Variants in DHX32 observed in about 807,000 individuals in gnomAD.
The protein encoded by DHX32 is DEAH-box helicase 32 (putative).
In DHX32, 51 loss-of-function variants were observed where a neutral mutation model predicts 70.0. That is an observed-to-expected ratio of 0.73 (90% CI 0.58 to 0.92). The LOEUF is 0.92. Among genes scored for constraint, DHX32 ranks in the 40% least tolerant of loss-of-function variants. The pLI, the probability that DHX32 is intolerant of heterozygous loss-of-function variation, is 0.00. For synonymous variants in DHX32, 310 were observed against 315.3 expected, an observed-to-expected ratio of 0.98 and a Z score of 0.18; for missense variants, 762 against 891.8, an observed-to-expected ratio of 0.85 and a Z score of 1.85.
intron 3 of DHX32, among the ~76,000 whole-genome samples, chr10:125,855,190 C>T (rs1331635438): frequency 1.3e-5 from 2 of 150,638 alleles, no homozygotes; most frequent in Non-Finnish European, 3.0e-5. Context: ...CCACTGCACT[C>T]CAGCCTGGCA....
chr10:125,841,565 TAAG>T, intron 7 of DHX32, 175 bp downstream of exon 7: 2 of 1,430,108 alleles, frequency 1.4e-6, no homozygotes, highest in Admixed American at 3.0e-5. Context: ...TTTTTCATAT[TAAG>T]AAAATTTTCC....
chr10:125,868,176 T>G (rs1265666754), intron 1 of DHX32, among the ~76,000 whole-genome samples: 1 of 152,364 alleles, frequency 6.6e-6, no homozygotes, highest in African/African-American at 2.4e-5. Context: ...TCCTTTTTTT[T>G]CTAAAATATA....
chr10:125,858,768 G>A (rs1944163851), intron 3 of DHX32, among the ~76,000 whole-genome samples: 3 of 152,046 alleles, frequency 2.0e-5, no homozygotes, highest in Admixed American at 2.0e-4. Context: ...TGTGGGAGAA[G>A]ACAGGGAAAA....
Position 125,866,927 on chromosome 10 carries a change from CAG to C in DHX32, c.476+61_476+62del. Reference sequence around the variant, plus strand: ...GTAGAATGCCAGAATAATGCTCCTTCAGAATTGTAGAACCTAAGCCAAGAATC... The same window carrying C: ...GTAGAATGCCAGAATAATGCTCCTTCAATTGTAGAACCTAAGCCAAGAATC... On this transcript the variant is annotated intron_variant, in intron 2 of 10. Coordinates refer to ENST00000284690, the MANE Select transcript of DHX32 (RefSeq NM_018180.3). The surrounding 1 kb of genome is among the most constrained non-coding windows in gnomAD (Gnocchi z 4.8). 1 of 1,526,842 alleles carries C rather than the reference CAG, an allele frequency of 6.5e-7. No individual in the cohort carries two copies. The highest frequency in any genetic ancestry group is 8.9e-7 in the Non-Finnish European group (1 of 1,120,024). The allele number at this position is 1,526,842 out of a possible 1,614,324, so 94.6% of individuals were successfully genotyped here. A position where few individuals can be genotyped will look rare whatever the true frequency, so the allele number is the denominator to read the frequency against.
At position 125,880,968 on chromosome 10, in the gene DHX32, G is replaced by C; in HGVS notation, c.-144C>G. 1.0e-6 allele frequency: 1 copy of C among 1,004,342 alleles called. No homozygotes were observed. The highest frequency in any genetic ancestry group is 1.4e-6 in the Non-Finnish European group (1 of 695,604). 62.2% of individuals were successfully genotyped at this position (1,004,342 alleles called of 1,614,324 possible). A position where few individuals can be genotyped will look rare whatever the true frequency, so the allele number is the denominator to read the frequency against. On this transcript the variant is annotated 5_prime_UTR_variant, in exon 1 of 11. Transcript: ENST00000284690. The stretch of plus-strand genomic sequence containing the variant: ...AGACTTCAGTTCAAGGTTTTAGCAA[G>C]TTAAATTCCTCAAACCTGCATCTGT...
intron 1 of DHX32, among the ~76,000 whole-genome samples, chr10:125,889,646 T>A (rs1944358424): frequency 1.3e-5 from 2 of 152,288 alleles, no homozygotes; most frequent in African/African-American, 4.8e-5. Flanking sequence ...CGGATCTCAC[T>A]GCAAACCAGT....
Position 125,860,197 on chromosome 10 carries a change from G to T in DHX32, c.477-222C>A, listed in dbSNP as rs550239205. 1.4e-4 allele frequency among the ~76,000 whole-genome samples: 21 copies of T among 152,172 alleles called. No individual in the cohort carries two copies. In the East Asian group the frequency reaches 4.1e-3, roughly 29 times the overall value. ...CCCAGTTTGTATATGTTCATGGACT[G>T]CCCCCTACAAAGACCATTCTGAACC... On this transcript the variant is annotated intron_variant, in intron 2 of 10. Transcript: ENST00000284690.
At chr10:125,895,349 G>A (rs1944448855) in intron 1 of DHX32, among the ~76,000 whole-genome samples, 1 of 152,194 alleles carries the variant, frequency 6.6e-6, no homozygotes, top group Admixed American at 6.5e-5. Context: ...GTACTGTCTG[G>A]AGCAGCGGTT....
At chr10:125,837,810 C>CCTTA in intron 10 of DHX32, among the ~76,000 whole-genome samples, 1 of 152,260 alleles carries the variant, frequency 6.6e-6, no homozygotes, top group African/African-American at 2.4e-5. Context: ...GCCCATAAAG[C>CCTTA]CTTACACCTT....
At chr10:125,845,100 C>T (rs1015853159) in intron 6 of DHX32, among the ~76,000 whole-genome samples, 2 of 152,182 alleles carry the variant, frequency 1.3e-5, no homozygotes, top group African/African-American at 2.4e-5. Flanking sequence ...GCCGATGCAG[C>T]GCTAACTCCA....
Position 125,880,544 on chromosome 10 carries a change from T to A in DHX32, c.281A>T (p.Gln94Leu), listed in dbSNP as rs778530984. ...SGDAKCGKSA[Q>L]VPQWCAEYCL... The stretch of plus-strand genomic sequence containing the variant: ...TTATTTTTTGTAGTGGTTACTCACC[T>A]GAGCGCTCTTACCACATTTAGCATC... Residue 94 changes from glutamine (Q) to leucine (L), a missense_variant and splice_region_variant, in exon 1 of 11, where the codon CAG becomes CTG. This residue lies in a region of DHX32 where 394 missense variants were observed against 473.1 expected (regional missense o/e 0.83). Coordinates refer to ENST00000284690, the MANE Select transcript of DHX32 (RefSeq NM_018180.3). The A allele has an allele frequency of 1.3e-6, 2 of 1,596,852 alleles. No homozygotes were observed. Among genetic ancestry groups the A allele is most frequent in the East Asian group, 4.5e-5 (2 of 44,608 alleles).
At chr10:125,869,094 T>C (rs79019376) in intron 1 of DHX32, among the ~76,000 whole-genome samples, 2,104 of 152,298 alleles carry the variant, frequency 0.014, 48 homozygotes, top group African/African-American at 0.044. Context: ...AGTTTAAGAT[T>C]CTACATCGTT....
chr10:125,884,685 T>A (rs183748832), upstream of DHX32, among the ~76,000 whole-genome samples: 28 of 152,308 alleles, frequency 1.8e-4, no homozygotes, highest in Admixed American at 1.5e-3. Context: ...GAAATACAGT[T>A]CACAGAAATG....
At chr10:125,845,426 C>A (rs1944005627) in intron 6 of DHX32, among the ~76,000 whole-genome samples, 1 of 152,216 alleles carries the variant, frequency 6.6e-6, no homozygotes, top group Non-Finnish European at 1.5e-5. Flanking sequence ...TATGTACTTT[C>A]CTACAGGTAA....
intron 2 of DHX32, among the ~76,000 whole-genome samples, chr10:125,863,437 T>C (rs112395138): frequency 2.6e-5 from 4 of 151,942 alleles, no homozygotes; most frequent in Admixed American, 6.6e-5. Flanking sequence ...CTGCCTTCTA[T>C]AATCAATGAT....
chr10:125,850,465 C>T (rs1944076510), intron 6 of DHX32, among the ~76,000 whole-genome samples: 1 of 148,326 alleles, frequency 6.7e-6, no homozygotes, highest in South Asian at 2.1e-4. Context: ...TCAAGTGATT[C>T]TCCTGCCTCA....
intron 1 of DHX32, among the ~76,000 whole-genome samples, chr10:125,887,756 A>C (rs1284078596): frequency 6.6e-6 from 1 of 152,008 alleles, no homozygotes; most frequent in Non-Finnish European, 1.5e-5. Flanking sequence ...GTAGAGGTGC[A>C]CACCACCATG....
At chr10:125,843,390 C>T (rs11244668) in intron 6 of DHX32, among the ~76,000 whole-genome samples, 54,427 of 151,954 alleles carry the variant, frequency 0.36, 10,563 homozygotes, top group Non-Finnish European at 0.45. Flanking sequence ...GCGGGAGGAT[C>T]ACCAGGTCAG....
chr10:125,887,148 T>C (rs1944344850), intron 1 of DHX32, among the ~76,000 whole-genome samples: 1 of 152,242 alleles, frequency 6.6e-6, no homozygotes, highest in Non-Finnish European at 1.5e-5. Context: ...ATTCATAATC[T>C]AATAGGTCTT....
Sources: allele counts gnomAD v4.1 joint callset (sites outside exome capture counted in the v4.1 genomes callset), GRCh38; gene constraint gnomAD v4.1.1; regional missense constraint gnomAD v4.1.1; non-coding constraint Gnocchi (gnomAD v3.1); transcripts MANE v1.5; gene names NCBI Gene and HGNC (gene_info 2026-07-23, HGNC 2026-07-21).